Variants in F8 observed in about 807,000 individuals in gnomAD.
F8 encodes the protein antihemophilic factor.
A neutral mutation model predicts 140.6 loss-of-function variants in F8; 12 were observed. The observed-to-expected ratio is 0.09, with a 90% CI of 0.05 to 0.14. The LOEUF is 0.14. F8 is among the 10% of genes least tolerant of loss of function. The probability of loss-of-function intolerance (pLI) is 1.00; values close to 1 mark genes in which losing one functional copy is unlikely to be tolerated. For missense variants in F8, 1,354 were observed against 1,720.7 expected, an observed-to-expected ratio of 0.79 and a Z score of 3.77; for synonymous variants, 585 against 614.6, an observed-to-expected ratio of 0.95 and a Z score of 0.71.
chrX:154,985,670 T>C (rs1377013618), intron 5 of F8, among the ~76,000 whole-genome samples: 1 of 112,184 alleles, frequency 8.9e-6, no homozygotes, highest in African/African-American at 3.2e-5. Context: ...GCTAAAACTT[T>C]ATGAGGCAGC....
At chrX:154,918,633 T>C (rs1344669688) in intron 14 of F8, 1 of 106,888 alleles carries the variant, frequency 9.4e-6, no homozygotes, top group African/African-American at 3.4e-5. Context: ...TTTTCTCTTC[T>C]ATGTGGCCAC....
intron 1 of F8, among the ~76,000 whole-genome samples, chrX:155,020,394 A>G (rs2073754412): frequency 8.9e-6 from 1 of 112,460 alleles, no homozygotes; most frequent in Non-Finnish European, 1.9e-5. Context: ...AATGCATATA[A>G]AAAGCGAAAC....
At chrX:154,894,545 C>A (rs1370780965) in intron 22 of F8, among the ~76,000 whole-genome samples, 2 of 110,704 alleles carry the variant, frequency 1.8e-5, no homozygotes, top group Non-Finnish European at 3.8e-5. Context: ...ATGGCAAAAC[C>A]CTGTCTCTAC....
At chrX:155,019,722 G>C (rs2073750824) in intron 1 of F8, among the ~76,000 whole-genome samples, 1 of 110,791 alleles carries the variant, frequency 9.0e-6, no homozygotes, top group South Asian at 3.9e-4. Context: ...CTTGAATCCA[G>C]GAGGTTGAGG....
chrX:155,008,449 G>A (rs1383950862), intron 1 of F8, among the ~76,000 whole-genome samples: 2 of 111,607 alleles, frequency 1.8e-5, no homozygotes, highest in Non-Finnish European at 3.8e-5. Flanking sequence ...GGCAGGGAGA[G>A]GGGGTGAGGG....
intron 13 of F8, among the ~76,000 whole-genome samples, chrX:154,940,236 G>A (rs1353600180): frequency 9.0e-6 from 1 of 111,359 alleles, no homozygotes; most frequent in Non-Finnish European, 1.9e-5. Flanking sequence ...GAAGAAGTTC[G>A]AACCAATGGC....
At chrX:154,980,881 C>T (rs1569559934) in intron 6 of F8, among the ~76,000 whole-genome samples, 1 of 111,302 alleles carries the variant, frequency 9.0e-6, no homozygotes, top group Non-Finnish European at 1.9e-5. Context: ...GTGGGAAGAC[C>T]GTGTGAGCCC....
At chrX:154,874,739 T>C (rs1379819169) in intron 22 of F8, among the ~76,000 whole-genome samples, 4 of 112,282 alleles carry the variant, frequency 3.6e-5, no homozygotes, top group Non-Finnish European at 7.5e-5. Context: ...AGGAAACCTT[T>C]GTACACTGTT....
At chrX:154,852,228 C>T (rs1361689905) in intron 25 of F8, among the ~76,000 whole-genome samples, 3 of 110,429 alleles carry the variant, frequency 2.7e-5, no homozygotes, top group African/African-American at 9.9e-5. Context: ...TACCATCATG[C>T]CAGCTAATTT....
At chrX:154,996,447 G>A (rs28370204) in intron 3 of F8, among the ~76,000 whole-genome samples, 87 of 112,021 alleles carry the variant, frequency 7.8e-4, no homozygotes, top group African/African-American at 2.6e-3. Context: ...AGGATTACCT[G>A]GTAATAATAG....
At chrX:154,938,016 T>C (rs1557279366) in intron 13 of F8, among the ~76,000 whole-genome samples, 1 of 111,947 alleles carries the variant, frequency 8.9e-6, no homozygotes, top group Non-Finnish European at 1.9e-5. Flanking sequence ...ATGTTACTGG[T>C]ACAAAGATAG....
At chrX:154,911,664 T>A (rs1000745512) in intron 14 of F8, among the ~76,000 whole-genome samples, 2 of 112,166 alleles carry the variant, frequency 1.8e-5, no homozygotes, top group Admixed American at 9.4e-5. Flanking sequence ...CTGTAATAAA[T>A]GTTGGTGTGC....
Position 154,930,495 on chromosome X carries a change from T to C in F8, c.3295A>G (p.Lys1099Glu), listed in dbSNP as rs1388975976. ...TCTGGTGGAATGGGGCCCTCTTTTTTCTGTTGGACCATTTCCATGTTTTTT... is the reference window on the plus strand; with the variant it reads ...TCTGGTGGAATGGGGCCCTCTTTTTCCTGTTGGACCATTTCCATGTTTTTT... ...SSKNMEMVQQ[K>E]KEGPIPPDAQ... The change falls in exon 14 of 26, where the codon AAA (lysine) becomes GAA (glutamate). Residue 1099 changes from lysine (K) to glutamate (E), a missense_variant. This residue lies in a region of F8 where 658 missense variants were observed against 666.5 expected (regional missense o/e 0.99). Transcript: ENST00000360256. 1 of 1,209,535 alleles carries C rather than the reference T, an allele frequency of 8.3e-7. No homozygotes were observed.
intron 12 of F8, among the ~76,000 whole-genome samples, chrX:154,948,897 CTT>C (rs1569559766): frequency 8.9e-6 from 1 of 111,823 alleles, no homozygotes; most frequent in Non-Finnish European, 1.9e-5. Context: ...AAAATGCAGT[CTT>C]AATGCAGAAT....
intron 12 of F8, among the ~76,000 whole-genome samples, chrX:154,951,479 AATAAT>A (rs1557280738): frequency 8.9e-6 from 1 of 111,926 alleles, no homozygotes; most frequent in Non-Finnish European, 1.9e-5. Context: ...ACTTTATGTA[AATAAT>A]ATAATACTGT....
Position 154,983,707 on chromosome X carries a change from C to T in F8, c.787+980G>A, listed in dbSNP as rs1015952126. Among the ~76,000 whole-genome samples the T allele has an allele frequency of 3.6e-5, 4 of 112,049 alleles. No homozygotes were observed. In the Admixed American group the frequency reaches 3.8e-4, roughly 11 times the overall value. ...GGATTATCATAGCAGTGTTGGAAGGCCAGCTAGTGATTCATGCCAAGGTGA... is the reference window on the plus strand; with the variant it reads ...GGATTATCATAGCAGTGTTGGAAGGTCAGCTAGTGATTCATGCCAAGGTGA... On this transcript the variant is annotated intron_variant, in intron 6 of 25. Transcript: ENST00000360256.
intron 9 of F8, 27 bp downstream of exon 9, chrX:154,965,943 T>A: frequency 8.3e-7 from 1 of 1,205,021 alleles, no homozygotes. Context: ...TCTTCTTACC[T>A]GACCTTAAAT....
intron 10 of F8, among the ~76,000 whole-genome samples, chrX:154,957,894 A>AAAAG (rs1249141429): frequency 2.1e-4 from 23 of 109,489 alleles, no homozygotes; most frequent in South Asian, 1.2e-3. Context: ...AAAAAAAAAA[A>AAAAG]AAAGAAAGAA....
intron 14 of F8, among the ~76,000 whole-genome samples, chrX:154,924,915 G>A (rs989561513): frequency 1.2e-4 from 13 of 112,046 alleles, no homozygotes; most frequent in Admixed American, 3.7e-4. Context: ...GACTCCCTAG[G>A]CTGCACACAG....
Sources: allele counts gnomAD v4.1 joint callset (sites outside exome capture counted in the v4.1 genomes callset), GRCh38; gene constraint gnomAD v4.1.1; regional missense constraint gnomAD v4.1.1; transcripts MANE v1.5; gene names NCBI Gene and HGNC (gene_info 2026-07-23, HGNC 2026-07-21).